Variants in TMTC1 observed in about 807,000 individuals in gnomAD.
The protein encoded by TMTC1 is transmembrane O-mannosyltransferase targeting cadherins 1.
TMTC1 carries 73 observed loss-of-function variants against 104.8 expected under a neutral mutation model. The ratio of observed to expected loss-of-function variants is 0.70; its 90% CI spans 0.58 to 0.85. TMTC1 has a LOEUF of 0.85. Among genes scored for constraint, TMTC1 ranks in the 40% least tolerant of loss-of-function variants. TMTC1 has a pLI of 0.00. For synonymous variants in TMTC1, 434 were observed against 428.7 expected, an observed-to-expected ratio of 1.01 and a Z score of -0.15; for missense variants, 1,035 against 1,096.1, an observed-to-expected ratio of 0.94 and a Z score of 0.79.
chr12:29,614,791 T>C (rs548601725), intron 6 of TMTC1, among the ~76,000 whole-genome samples: 73 of 152,356 alleles, frequency 4.8e-4, no homozygotes, highest in African/African-American at 1.8e-3. Flanking sequence ...TATATTTTTC[T>C]TGGAAAAGTC....
chr12:29,753,522 C>A (rs1366682406), intron 4 of TMTC1, among the ~76,000 whole-genome samples: 1 of 152,224 alleles, frequency 6.6e-6, no homozygotes, highest in East Asian at 1.9e-4. Context: ...CCTCTGTTTT[C>A]TCCTTTGTAA....
Position 29,714,299 on chromosome 12 carries a change from G to T in TMTC1, c.938+37367C>A, listed in dbSNP as rs1942017253. Among the ~76,000 whole-genome samples the T allele has an allele frequency of 2.0e-5, 3 of 152,304 alleles. No individual in the cohort carries two copies. The South Asian group carries it at 6.2e-4, about 32-fold the overall frequency. ...TTTAAGTGCTTTTCCTCATGACATTGTTCTTTGACGTGCAGCAGAAGTGCT... is the reference window on the plus strand; with the variant it reads ...TTTAAGTGCTTTTCCTCATGACATTTTTCTTTGACGTGCAGCAGAAGTGCT... On this transcript the variant is annotated intron_variant, in intron 5 of 17. Transcript: ENST00000539277.
At chr12:29,612,669 C>T (rs1946875262) in intron 6 of TMTC1, among the ~76,000 whole-genome samples, 1 of 152,180 alleles carries the variant, frequency 6.6e-6, no homozygotes, top group African/African-American at 2.4e-5. Context: ...CCTGCCTCAG[C>T]CTCCCAAAGT....
chr12:29,714,714 C>CAA (rs1942030286), intron 5 of TMTC1, among the ~76,000 whole-genome samples: 1 of 152,260 alleles, frequency 6.6e-6, no homozygotes, highest in Non-Finnish European at 1.5e-5. Flanking sequence ...GGCTCTCTCC[C>CAA]AAACGCACAT....
At chr12:29,715,834 G>C (rs1203775473) in intron 5 of TMTC1, among the ~76,000 whole-genome samples, 1 of 151,962 alleles carries the variant, frequency 6.6e-6, no homozygotes, top group Non-Finnish European at 1.5e-5. Flanking sequence ...AAAACCATCA[G>C]ATCTTGTGAA....
At chr12:29,713,118 G>A (rs565483357) in intron 5 of TMTC1, among the ~76,000 whole-genome samples, 1 of 151,826 alleles carries the variant, frequency 6.6e-6, no homozygotes, top group African/African-American at 2.4e-5. Context: ...AAGGAATTCC[G>A]TCTCCAGACT....
chr12:29,735,587 T>C (rs974761780), intron 5 of TMTC1, among the ~76,000 whole-genome samples: 2 of 152,214 alleles, frequency 1.3e-5, no homozygotes, highest in Non-Finnish European at 2.9e-5. Context: ...CATTATGTAA[T>C]AGGTGTTTAA....
intron 5 of TMTC1, among the ~76,000 whole-genome samples, chr12:29,634,692 T>C (rs1938464564): frequency 1.3e-5 from 2 of 152,154 alleles, no homozygotes; most frequent in African/African-American, 2.4e-5. Context: ...ATAGTGAAAA[T>C]AGGACATACT....
intron 7 of TMTC1, among the ~76,000 whole-genome samples, chr12:29,596,030 G>A (rs745764838): frequency 7.3e-5 from 11 of 150,248 alleles, no homozygotes; most frequent in Non-Finnish European, 1.5e-4. Flanking sequence ...TTTTTGAGAC[G>A]GAGTCTCACT....
intron 9 of TMTC1, among the ~76,000 whole-genome samples, chr12:29,560,439 T>C (rs1434769843): frequency 6.6e-6 from 1 of 152,138 alleles, no homozygotes; most frequent in African/African-American, 2.4e-5. Flanking sequence ...GGGGTACAAA[T>C]AAGCTTATTA....
At chr12:29,528,509 A>C (rs4931201) in intron 11 of TMTC1, among the ~76,000 whole-genome samples, 1 of 152,176 alleles carries the variant, frequency 6.6e-6, no homozygotes, top group East Asian at 1.9e-4. Flanking sequence ...AACACAGTCA[A>C]CATCCCCACT....
At chr12:29,666,498 G>T (rs1045656395) in intron 5 of TMTC1, among the ~76,000 whole-genome samples, 3 of 151,888 alleles carry the variant, frequency 2.0e-5, no homozygotes, top group Non-Finnish European at 4.4e-5. Flanking sequence ...CTCCCAAAGT[G>T]CTGGGATTAC....
At chr12:29,517,595 G>A in intron 13 of TMTC1, 24 bp from the exon 14 acceptor site, 1 of 1,613,706 alleles carries the variant, frequency 6.2e-7, no homozygotes, top group South Asian at 1.1e-5. Flanking sequence ...AAATCTAAAT[G>A]ACATTTCTCT....
At chr12:29,507,334 T>C (rs949581454) in intron 17 of TMTC1, among the ~76,000 whole-genome samples, 11 of 152,102 alleles carry the variant, frequency 7.2e-5, no homozygotes, top group African/African-American at 2.7e-4. Flanking sequence ...TGGCACAAAA[T>C]TCATGTTAGG....
chr12:29,519,721 GGTTTCTTCT>G, intron 12 of TMTC1: 2 of 152,168 alleles, frequency 1.3e-5, no homozygotes. Context: ...CCCAACTAGA[GGTTTCTTCT>G]AGTTTTTATA....
At position 29,751,827 on chromosome 12, in the gene TMTC1, G is replaced by T. The variant is rs532034685; in HGVS notation, c.777C>A (p.Ser259Arg). 1.9e-6 allele frequency: 3 copies of T among 1,601,758 alleles called. No individual in the cohort carries two copies. In the African/African-American group the frequency reaches 4.0e-5, roughly 21 times the overall value. Reference sequence around the variant, plus strand: ...GGCCTGGCAGTGAGGAGGGCTGGGGGCTCCCGGGCTGCTGTGGGCTGCGTG... The same window carrying T: ...GGCCTGGCAGTGAGGAGGGCTGGGGTCTCCCGGGCTGCTGTGGGCTGCGTG... ...LCPRSPQQPG[S>R]PQPSSLPGHP... The change falls in exon 5 of 18, where the codon AGC becomes AGA. Residue 259 changes from serine (S) to arginine (R), a missense_variant. By Grantham distance (110) the Ser-to-Arg change is moderately radical. Transcript: ENST00000539277.
rs181624806 is a variant in TMTC1, at chr12:29,595,505, C to T, written c.1250+8673G>A. ...TCATGACCTTCCCATAGCACTGCCC[C>T]ACAGTCCTTGATGATTGACCACCAG... is the stretch of plus-strand genomic sequence containing the variant. On this transcript the variant is annotated intron_variant, in intron 7 of 17. Coordinates refer to ENST00000539277, the MANE Select transcript of TMTC1 (RefSeq NM_001193451.2). 5.7e-4 allele frequency among the ~76,000 whole-genome samples: 87 copies of T among 152,264 alleles called. 1 individual carries two copies. The highest frequency in any genetic ancestry group is 3.9e-3 in the East Asian group (20 of 5,186).
At chr12:29,507,121 TA>T in intron 17 of TMTC1, 135 bp from the exon 18 acceptor site, 1 of 724,704 alleles carries the variant, frequency 1.4e-6, no homozygotes, top group Non-Finnish European at 2.3e-6. Context: ...TCTGTATGTG[TA>T]ATTTTATCCT....
At chr12:29,751,917 C>A (rs893893440) in intron 4 of TMTC1, 45 bp from the exon 5 acceptor site, 1 of 1,484,584 alleles carries the variant, frequency 6.7e-7, no homozygotes, top group African/African-American at 1.4e-5. Flanking sequence ...ACCAGAATGA[C>A]AAGGCTTACA....
Sources: allele counts gnomAD v4.1 joint callset (sites outside exome capture counted in the v4.1 genomes callset), GRCh38; gene constraint gnomAD v4.1.1; transcripts MANE v1.5; gene names NCBI Gene and HGNC (gene_info 2026-07-23, HGNC 2026-07-21).